Variants in ITGA1 observed in about 807,000 individuals in gnomAD.
ITGA1 encodes integrin alpha-1.
In ITGA1, 85 loss-of-function variants were observed where a neutral mutation model predicts 145.9. That is an observed-to-expected ratio of 0.58 (90% CI 0.49 to 0.70). ITGA1 has a LOEUF of 0.70. Among genes scored for constraint, ITGA1 ranks in the 30% least tolerant of loss-of-function variants. The probability of loss-of-function intolerance (pLI) is 0.00; values close to 1 mark genes in which losing one functional copy is unlikely to be tolerated. For missense variants in ITGA1, 1,351 were observed against 1,418.7 expected, an observed-to-expected ratio of 0.95 and a Z score of 0.77; for synonymous variants, 520 against 495.3, an observed-to-expected ratio of 1.05 and a Z score of -0.66.
Position 52,832,717 on chromosome 5 carries a change from T to C in ITGA1, c.62-16648T>C, listed in dbSNP as rs188764549. 3.3e-5 allele frequency among the ~76,000 whole-genome samples: 5 copies of C among 151,554 alleles called. No homozygotes were observed. The East Asian group carries it at 9.7e-4, about 29-fold the overall frequency. On this transcript the variant is annotated intron_variant, in intron 1 of 28. Coordinates refer to ENST00000282588, the MANE Select transcript of ITGA1 (RefSeq NM_181501.2). ...AAGCAGATTTAAATACTGAAAAATA[T>C]TATAGGTATCGAAAAGACCCTTTTT...
intron 1 of ITGA1, among the ~76,000 whole-genome samples, chr5:52,808,653 T>C: frequency 7.2e-6 from 1 of 138,354 alleles, no homozygotes; most frequent in Non-Finnish European, 1.5e-5. Flanking sequence ...TATAATTCTT[T>C]TTTTCTTTTT....
intron 1 of ITGA1, among the ~76,000 whole-genome samples, chr5:52,827,844 T>C (rs897016419): frequency 6.6e-6 from 1 of 152,230 alleles, no homozygotes; most frequent in African/African-American, 2.4e-5. Context: ...AAATAATGCT[T>C]TGTGTACTTA....
Position 52,849,471 on chromosome 5 carries a change from TGAA to T in ITGA1, c.173_175del (p.Glu58del), listed in dbSNP as rs1255328838. ...GATATACTGTTCAACAATATGAAAA[TGAA>T]GAAGGAAAATGGTAAGCCAGTGGGT... On this transcript the variant is annotated inframe_deletion, in exon 2 of 29. Coordinates refer to ENST00000282588, the MANE Select transcript of ITGA1 (RefSeq NM_181501.2). 6.9e-6 allele frequency: 11 copies of T among 1,602,630 alleles called. No homozygotes were observed. The highest frequency in any genetic ancestry group is 9.4e-6 in the Non-Finnish European group (11 of 1,173,010).
At chr5:52,840,949 T>G (rs1749245972) in intron 1 of ITGA1, among the ~76,000 whole-genome samples, 1 of 152,168 alleles carries the variant, frequency 6.6e-6, no homozygotes, top group East Asian at 1.9e-4. Flanking sequence ...ATACACACAC[T>G]CACTTTGAAG....
In ITGA1 at chr5:52,944,930, A is replaced by G. The variant is rs1159567927; in HGVS notation, c.3286-13A>G. ...GCATCATATATTAAGAACAAATCCTATTTGCTTTTCAGTCATATTTTTCCA... is the reference window on the plus strand; with the variant it reads ...GCATCATATATTAAGAACAAATCCTGTTTGCTTTTCAGTCATATTTTTCCA... On this transcript the variant is annotated splice_polypyrimidine_tract_variant and intron_variant, in intron 26 of 28. Transcript: ENST00000282588. 2 of 1,566,884 alleles carry G rather than the reference A, an allele frequency of 1.3e-6. No individual in the cohort carries two copies. Among genetic ancestry groups the G allele is most frequent in the East Asian group, 2.2e-5 (1 of 44,504 alleles).
intron 22 of ITGA1, 79 bp downstream of exon 22, chr5:52,932,215 A>G: frequency 4.7e-6 from 4 of 845,030 alleles, no homozygotes; most frequent in South Asian, 1.6e-5. Context: ...TGCCTGGCCA[A>G]GGGCATCAGC....
In ITGA1 at chr5:52,955,116, A is replaced by T. The variant is rs772436273; in HGVS notation, c.*2665A>T. ...GCACTCTCTTTTCTGACCAAACTAC[A>T]ATGGTATATTGGTAAATTATTTAAC... On this transcript the variant is annotated 3_prime_UTR_variant, in exon 29 of 29. Coordinates refer to ENST00000282588, the MANE Select transcript of ITGA1 (RefSeq NM_181501.2). 1.3e-5 allele frequency: 2 copies of T among 151,982 alleles called. No homozygotes were observed. Among genetic ancestry groups the T allele is most frequent in the Non-Finnish European group, 2.9e-5 (2 of 68,010 alleles). The allele number at this position is 151,982 out of a possible 1,614,324, so 9.4% of individuals were successfully genotyped here.
intron 1 of ITGA1, among the ~76,000 whole-genome samples, chr5:52,830,172 A>T (rs1749036807): frequency 6.6e-6 from 1 of 152,120 alleles, no homozygotes; most frequent in Admixed American, 6.6e-5. Context: ...TGAATTTAAA[A>T]CTTTGGACAA....
At chr5:52,947,864 C>T (rs541914781) in intron 28 of ITGA1, among the ~76,000 whole-genome samples, 1 of 151,944 alleles carries the variant, frequency 6.6e-6, no homozygotes, top group Admixed American at 6.6e-5. Flanking sequence ...GATATATAAG[C>T]AGTAGATTCA....
intron 1 of ITGA1, among the ~76,000 whole-genome samples, chr5:52,845,955 T>C (rs1161726375): frequency 6.6e-6 from 1 of 152,194 alleles, no homozygotes; most frequent in Non-Finnish European, 1.5e-5. Context: ...GCAAACTGTG[T>C]CCTTAGGTGA....
intron 6 of ITGA1, among the ~76,000 whole-genome samples, chr5:52,871,723 T>C (rs1749779442): frequency 7.7e-6 from 1 of 129,644 alleles, no homozygotes; most frequent in Non-Finnish European, 1.7e-5. Context: ...ATGGAAACAT[T>C]CACTCTAAAG....
rs1024123423 is a variant in ITGA1, at chr5:52,850,805, C to T, written c.182+1320C>T. On this transcript the variant is annotated intron_variant, in intron 2 of 28. Coordinates refer to ENST00000282588, the MANE Select transcript of ITGA1 (RefSeq NM_181501.2). The stretch of plus-strand genomic sequence containing the variant: ...TTTTTAAGTTCCCTTTCCCTCCCTC[C>T]TATACTCTCCACCCATCCCATTCCC... Among the ~76,000 whole-genome samples the T allele has an allele frequency of 4.6e-5, 7 of 152,130 alleles. No homozygotes were observed. The South Asian group carries it at 6.2e-4, about 14-fold the overall frequency.
intron 7 of ITGA1, among the ~76,000 whole-genome samples, chr5:52,886,352 C>A (rs1158176865): frequency 6.6e-6 from 1 of 152,220 alleles, no homozygotes; most frequent in African/African-American, 2.4e-5. Context: ...TTCCCCATTT[C>A]ACCAGAATCC....
chr5:52,905,836 T>G lies in ITGA1; in HGVS notation c.1383T>G (p.His461Gln). ...LYIAGQPRYN[H>Q]TGQVIIYRME... ...TTGCTGGACAGCCTCGGTACAATCA[T>G]ACAGGCCAGGTCATTATCTACAGGA... The change falls in exon 12 of 29, where the codon CAT (histidine) becomes CAG (glutamine). Residue 461 changes from histidine to glutamine, a missense_variant. Coordinates refer to ENST00000282588, the MANE Select transcript of ITGA1 (RefSeq NM_181501.2). 6.2e-7 allele frequency: 1 copy of G among 1,613,784 alleles called. No individual in the cohort carries two copies. Among genetic ancestry groups the G allele is most frequent in the African/African-American group, 1.3e-5 (1 of 75,014 alleles).
chr5:52,897,660 T>A, intron 10 of ITGA1, 132 bp downstream of exon 10: 1 of 632,690 alleles, frequency 1.6e-6, no homozygotes, highest in East Asian at 2.7e-5. Flanking sequence ...GCTATGATGA[T>A]GTTTTCTAAT....
intron 6 of ITGA1, among the ~76,000 whole-genome samples, chr5:52,877,673 G>T (rs767041480): frequency 5.9e-5 from 9 of 152,206 alleles, no homozygotes; most frequent in Non-Finnish European, 1.3e-4. Context: ...CTGCCTGTGA[G>T]GTAGTCCTGC....
At chr5:52,914,143 A>G (rs1412666617) in intron 14 of ITGA1, among the ~76,000 whole-genome samples, 1 of 152,234 alleles carries the variant, frequency 6.6e-6, no homozygotes, top group Non-Finnish European at 1.5e-5. Context: ...ATCAAGATGC[A>G]ACTTTAAACA....
At position 52,958,878 on chromosome 5, in the gene ITGA1, C is replaced by T. The variant is rs575925471; in HGVS notation, c.*6427C>T. On this transcript the variant is annotated 3_prime_UTR_variant, in exon 29 of 29. Transcript: ENST00000282588. ...TTCTACAAGACTTTAATTGGATAAA[C>T]TCATTAGAAGAAAATGTTTCGATTG... 5.9e-5 allele frequency: 9 copies of T among 152,136 alleles called. No homozygotes were observed. In the East Asian group the frequency reaches 1.7e-3, roughly 29 times the overall value. 9.4% of individuals were successfully genotyped at this position (152,136 alleles called of 1,614,324 possible). A position where few individuals can be genotyped will look rare whatever the true frequency, so the allele number is the denominator to read the frequency against.
chr5:52,800,514 C>T, intron 1 of ITGA1: 1 of 1,614,112 alleles, frequency 6.2e-7, no homozygotes, highest in Non-Finnish European at 8.5e-7. Context: ...ACAGCCTGCG[C>T]GCCTCCACCA....
Sources: allele counts gnomAD v4.1 joint callset (sites outside exome capture counted in the v4.1 genomes callset), GRCh38; gene constraint gnomAD v4.1.1; transcripts MANE v1.5; gene names NCBI Gene and HGNC (gene_info 2026-07-23, HGNC 2026-07-21).